FSTL5: variants seen among roughly 807,000 people sequenced by gnomAD.
FSTL5 encodes the protein follistatin like 5.
In FSTL5, 62 loss-of-function variants were observed where a neutral mutation model predicts 89.1. That is an observed-to-expected ratio of 0.70 (90% CI 0.57 to 0.86). FSTL5 has a LOEUF of 0.86. Among genes scored for constraint, FSTL5 ranks in the 40% least tolerant of loss-of-function variants. The pLI is 0.00. For synonymous variants in FSTL5, 383 were observed against 346.2 expected (o/e 1.11, Z -1.18); for missense variants, 1,057 against 1,001.6 (o/e 1.06, Z -0.75).
intron 4 of FSTL5, among the ~76,000 whole-genome samples, chr4:161,884,854 T>C (rs1029031033): frequency 6.6e-6 from 1 of 152,180 alleles, no homozygotes; most frequent in Non-Finnish European, 1.5e-5. Flanking sequence ...TGAGATCTCA[T>C]AGACCAAATT....
intron 6 of FSTL5, among the ~76,000 whole-genome samples, chr4:161,743,203 T>G (rs1740087503): frequency 6.6e-6 from 1 of 152,172 alleles, no homozygotes; most frequent in Non-Finnish European, 1.5e-5. Context: ...GCTCTTACTT[T>G]TTGGTCATTG....
intron 7 of FSTL5, among the ~76,000 whole-genome samples, chr4:161,631,010 C>T (rs924282836): frequency 6.6e-6 from 1 of 152,104 alleles, no homozygotes; most frequent in Admixed American, 6.6e-5. Context: ...AATAATCAAG[C>T]AAAATATAAG....
At chr4:161,522,839 A>G (rs1312407241) in intron 10 of FSTL5, among the ~76,000 whole-genome samples, 1 of 151,786 alleles carries the variant, frequency 6.6e-6, no homozygotes, top group East Asian at 1.9e-4. Context: ...ATATTTTAAC[A>G]TTAAATATAA....
chr4:161,698,039 T>C (rs1194751581), intron 6 of FSTL5, among the ~76,000 whole-genome samples: 1 of 151,966 alleles, frequency 6.6e-6, no homozygotes, highest in East Asian at 1.9e-4. Flanking sequence ...GTGATGGCAT[T>C]AGGAGATGAG....
chr4:161,625,107 A>C (rs1735269850), intron 7 of FSTL5, among the ~76,000 whole-genome samples: 1 of 152,182 alleles, frequency 6.6e-6, no homozygotes, highest in Non-Finnish European at 1.5e-5. Context: ...CATATGGAAC[A>C]ATAGTACTCA....
At chr4:161,464,098 G>A (rs1050687502) in intron 13 of FSTL5, among the ~76,000 whole-genome samples, 11 of 152,068 alleles carry the variant, frequency 7.2e-5, no homozygotes, top group African/African-American at 2.2e-4. Flanking sequence ...ACAAAATACC[G>A]GCTAGGATAC....
At chr4:161,428,789 G>C (rs1286518702) in intron 15 of FSTL5, among the ~76,000 whole-genome samples, 1 of 152,148 alleles carries the variant, frequency 6.6e-6, no homozygotes, top group African/African-American at 2.4e-5. Context: ...GTGTGACGAA[G>C]CACATTCCCA....
intron 6 of FSTL5, among the ~76,000 whole-genome samples, chr4:161,694,233 GAGAA>G (rs1388313188): frequency 2.6e-5 from 4 of 151,998 alleles, no homozygotes; most frequent in Non-Finnish European, 5.9e-5. Context: ...GAACTATATA[GAGAA>G]AGAAATAATG....
intron 6 of FSTL5, among the ~76,000 whole-genome samples, chr4:161,731,346 G>T (rs1739603649): frequency 6.6e-6 from 1 of 152,020 alleles, no homozygotes; most frequent in Admixed American, 6.6e-5. Context: ...ATCTTGAATT[G>T]TAATCCCCAT....
intron 6 of FSTL5, among the ~76,000 whole-genome samples, chr4:161,737,361 T>C (rs139821654): frequency 1.9e-3 from 282 of 152,042 alleles, no homozygotes; most frequent in African/African-American, 6.5e-3. Context: ...AATGATGAGC[T>C]GAAAAGGAAA....
At chr4:161,883,301 A>C (rs1732693968) in intron 4 of FSTL5, among the ~76,000 whole-genome samples, 1 of 152,224 alleles carries the variant, frequency 6.6e-6, no homozygotes, top group East Asian at 1.9e-4. Flanking sequence ...CGGCTGAACA[A>C]GCTCTATTCA....
Position 161,535,638 on chromosome 4 carries a change from G to A in FSTL5, c.1312+2528C>T, listed in dbSNP as rs138951116. On this transcript the variant is annotated intron_variant, in intron 10 of 15. Coordinates refer to ENST00000306100, the MANE Select transcript of FSTL5 (RefSeq NM_020116.5). ...GCGAATGCCTATATCCTGTTGGTGG[G>A]AGGGCAAACTTGTTCAGCCACTGTG... is the stretch of plus-strand genomic sequence containing the variant. Among the ~76,000 whole-genome samples the A allele has an allele frequency of 2.2e-3, 333 of 152,250 alleles. 2 individuals are homozygous for A. The highest frequency in any genetic ancestry group is 3.0e-3 in the Non-Finnish European group (205 of 67,988).
chr4:162,139,106 C>T (rs570496050), intron 1 of FSTL5, among the ~76,000 whole-genome samples: 49 of 151,830 alleles, frequency 3.2e-4, no homozygotes, highest in African/African-American at 1.1e-3. Flanking sequence ...ATTTTACATT[C>T]TGGGGTACAT....
chr4:161,718,153 A>G (rs1475994229), intron 6 of FSTL5, among the ~76,000 whole-genome samples: 3 of 152,160 alleles, frequency 2.0e-5, no homozygotes, highest in Admixed American at 2.0e-4. Flanking sequence ...TTCTTTACAT[A>G]TAGTTGATTT....
chr4:161,750,688 T>C (rs1415172912), intron 6 of FSTL5, among the ~76,000 whole-genome samples: 1 of 152,134 alleles, frequency 6.6e-6, no homozygotes, highest in Non-Finnish European at 1.5e-5. Context: ...CATTAAAAGA[T>C]GATATTCATT....
At chr4:161,578,565 C>T (rs1330023581) in intron 8 of FSTL5, among the ~76,000 whole-genome samples, 1 of 151,906 alleles carries the variant, frequency 6.6e-6, no homozygotes. Context: ...AAAATAATGG[C>T]CAAACGTTTA....
At chr4:161,902,552 T>C (rs527528249) in intron 4 of FSTL5, among the ~76,000 whole-genome samples, 60 of 152,210 alleles carry the variant, frequency 3.9e-4, no homozygotes, top group Admixed American at 9.8e-4. Context: ...ATTTTTCTTT[T>C]TAAAAATAAT....
At position 162,108,354 on chromosome 4, in the gene FSTL5, T is replaced by C. The variant is rs17041957; in HGVS notation, c.126+2917A>G. On this transcript the variant is annotated intron_variant, in intron 2 of 15. Coordinates refer to ENST00000306100, the MANE Select transcript of FSTL5 (RefSeq NM_020116.5). ...GACAAACAGGTCTCATATTTTCCTT[T>C]TTGATTCCAAAATTGGATTCATTAT... Among the ~76,000 whole-genome samples the C allele has an allele frequency of 8.0e-3, 1,223 of 152,234 alleles. 17 individuals carry two copies. Among genetic ancestry groups the C allele is most frequent in the African/African-American group, 0.028 (1,168 of 41,574 alleles).
chr4:161,389,963 G>C (rs1730766231), intron 15 of FSTL5, among the ~76,000 whole-genome samples: 1 of 152,112 alleles, frequency 6.6e-6, no homozygotes, highest in African/African-American at 2.4e-5. Context: ...CCCAAGTGTG[G>C]CTATAACTTT....
Sources: allele counts gnomAD v4.1 joint callset (sites outside exome capture counted in the v4.1 genomes callset), GRCh38; gene constraint gnomAD v4.1.1; transcripts MANE v1.5; gene names NCBI Gene and HGNC (gene_info 2026-07-23, HGNC 2026-07-21).